Variants in AHDC1 observed in about 807,000 individuals in gnomAD.
AHDC1 encodes the protein transcription factor Gibbin.
A neutral mutation model predicts 87.9 loss-of-function variants in AHDC1; 7 were observed. The observed-to-expected ratio is 0.08, with a 90% CI of 0.05 to 0.15. The LOEUF (loss-of-function observed/expected upper bound fraction) is 0.15. Among genes scored for constraint, AHDC1 ranks in the 10% least tolerant of loss-of-function variants. The probability of loss-of-function intolerance (pLI) is 1.00; values close to 1 mark genes in which losing one functional copy is unlikely to be tolerated. For synonymous variants in AHDC1, 1,051 were observed against 1,006.8 expected (o/e 1.04, Z -0.83); for missense variants, 1,841 against 2,253.2 (o/e 0.82, Z 3.70).
At position 27,548,816 on chromosome 1, in the gene AHDC1, C is replaced by T; in HGVS notation, c.3300G>A (p.Arg1100=). Residue 1100 remains arginine, a synonymous_variant, in exon 8 of 9, where the codon CGG becomes CGA. Coordinates refer to ENST00000673934, the MANE Select transcript of AHDC1 (RefSeq NM_001371928.1). ...SSFQPSPENC[R]QFAGASQWPF... Reference sequence around the variant, plus strand: ...GCCACTGAGAAGCCCCCGCAAACTGCCGACAGTTCTCGGGCGAGGGCTGGA... The same window carrying T: ...GCCACTGAGAAGCCCCCGCAAACTGTCGACAGTTCTCGGGCGAGGGCTGGA... The T allele has an allele frequency of 6.2e-7, 1 of 1,612,952 alleles. No homozygotes were observed. The highest frequency in any genetic ancestry group is 8.5e-7 in the Non-Finnish European group (1 of 1,179,870).
At chr1:27,592,580 C>A (rs376817078) in intron 3 of AHDC1, among the ~76,000 whole-genome samples, 17 of 152,008 alleles carry the variant, frequency 1.1e-4, no homozygotes, top group East Asian at 1.9e-4. Context: ...GCCCTCCCCC[C>A]CCCAGGCCCT....
rs1264650583 is a variant in AHDC1, at chr1:27,551,285, G to A, written c.831C>T (p.Asp277=). The A allele has an allele frequency of 6.2e-7, 1 of 1,610,930 alleles. No homozygotes were observed. Among genetic ancestry groups the A allele is most frequent in the Admixed American group, 1.7e-5 (1 of 59,968 alleles). The stretch of plus-strand genomic sequence containing the variant: ...GCGGGTCCAGGAAGCGGGGCTGGGG[G>A]TCCAGGAGCTGAGGCTCCGGCTCGG... ...PSPEPEPQLL[D]PQPRFLDPQA... The change falls in exon 8 of 9, where the codon GAC becomes GAT. Residue 277 remains aspartate, a synonymous_variant. Coordinates refer to ENST00000673934, the MANE Select transcript of AHDC1 (RefSeq NM_001371928.1).
intron 3 of AHDC1, among the ~76,000 whole-genome samples, chr1:27,601,000 GC>G (rs1231575456): frequency 1.3e-5 from 2 of 151,924 alleles, no homozygotes; most frequent in Non-Finnish European, 2.9e-5. Flanking sequence ...GGTGGTAGGG[GC>G]TCCCTGCCCC....
At chr1:27,552,226 C>T (rs2019611923) in intron 7 of AHDC1, 37 bp from the exon 8 acceptor site, 2 of 1,398,514 alleles carry the variant, frequency 1.4e-6, no homozygotes, top group Admixed American at 3.0e-5. Context: ...CCTTACTGAA[C>T]ACCTACATCC....
intron 8 of AHDC1, among the ~76,000 whole-genome samples, chr1:27,540,208 G>A (rs941045870): frequency 6.6e-6 from 1 of 152,110 alleles, no homozygotes; most frequent in African/African-American, 2.4e-5. Context: ...TGGATGGATT[G>A]TGCTTGGAGA....
At chr1:27,574,169 A>G (rs866437986) in intron 3 of AHDC1, among the ~76,000 whole-genome samples, 3 of 152,214 alleles carry the variant, frequency 2.0e-5, no homozygotes, top group African/African-American at 7.2e-5. Flanking sequence ...TGCCTGGACC[A>G]TCCCCTGGGG....
chr1:27,552,147 G>A lies in AHDC1; in HGVS notation c.-32C>T. The A allele has an allele frequency of 3.5e-6, 5 of 1,437,636 alleles. No homozygotes were observed. The highest frequency in any genetic ancestry group is 4.6e-6 in the Non-Finnish European group (5 of 1,097,190). The allele number at this position is 1,437,636 out of a possible 1,614,324, so 89.1% of individuals were successfully genotyped here. A position where few individuals can be genotyped will look rare whatever the true frequency, so the allele number is the denominator to read the frequency against. ...CTTGTCCTCCGCAGGCCGCCGGGCG[G>A]GGCCGGGGCTGACATGAGGGTGCGA... On this transcript the variant is annotated 5_prime_UTR_variant, in exon 8 of 9. Transcript: ENST00000673934.
intron 5 of AHDC1, among the ~76,000 whole-genome samples, chr1:27,555,180 C>G (rs1375003659): frequency 6.6e-6 from 1 of 152,216 alleles, no homozygotes; most frequent in African/African-American, 2.4e-5. Context: ...GTGTAACATT[C>G]CAGATACCCA....
intron 3 of AHDC1, among the ~76,000 whole-genome samples, chr1:27,570,428 A>G (rs1209919944): frequency 6.6e-6 from 1 of 151,922 alleles, no homozygotes; most frequent in Admixed American, 6.6e-5. Context: ...TACTGAGGCC[A>G]TGAGGAGTCA....
Position 27,593,278 on chromosome 1 carries a change from C to T in AHDC1, c.-629+10119G>A, listed in dbSNP as rs934334225. On this transcript the variant is annotated intron_variant, in intron 3 of 8. Coordinates refer to ENST00000673934, the MANE Select transcript of AHDC1 (RefSeq NM_001371928.1). The surrounding 1 kb of genome is among the most constrained non-coding windows in gnomAD (Gnocchi z 4.9). The stretch of plus-strand genomic sequence containing the variant: ...GATAGGATTACTTCTGCATGACTGC[C>T]CGCTCCACAGGGTTCCAGAGACCCT... Among the ~76,000 whole-genome samples the T allele has an allele frequency of 9.2e-5, 14 of 152,086 alleles. No individual in the cohort carries two copies. The highest frequency in any genetic ancestry group is 3.1e-4 in the African/African-American group (13 of 41,396).
intron 3 of AHDC1, among the ~76,000 whole-genome samples, chr1:27,597,711 C>T (rs1386297933): frequency 6.6e-6 from 1 of 152,044 alleles, no homozygotes; most frequent in East Asian, 1.9e-4. Flanking sequence ...GAGAAAACAC[C>T]TTCCAGATTC....
At chr1:27,594,660 G>T (rs1315387760) in intron 3 of AHDC1, among the ~76,000 whole-genome samples, 1 of 152,162 alleles carries the variant, frequency 6.6e-6, no homozygotes, top group Non-Finnish European at 1.5e-5. Flanking sequence ...GGAGGCTCTG[G>T]GAAGAGCGGG....
At chr1:27,543,191 G>C (rs1160176373) in intron 8 of AHDC1, among the ~76,000 whole-genome samples, 1 of 152,240 alleles carries the variant, frequency 6.6e-6, no homozygotes, top group Non-Finnish European at 1.5e-5. Context: ...AGGCCTGAGA[G>C]GGAGTAGGGA....
At chr1:27,578,544 G>T (rs1231676399) in intron 3 of AHDC1, among the ~76,000 whole-genome samples, 2 of 151,400 alleles carry the variant, frequency 1.3e-5, no homozygotes, top group Non-Finnish European at 2.9e-5. Context: ...AGCTGAGATT[G>T]TGCCACTGCA....
chr1:27,602,295 G>A (rs2089551347), intron 3 of AHDC1, among the ~76,000 whole-genome samples: 2 of 151,686 alleles, frequency 1.3e-5, no homozygotes, highest in South Asian at 4.2e-4. Context: ...CTCTGTGCCC[G>A]CTGCCCGCCT....
Position 27,547,862 on chromosome 1 carries a change from C to T in AHDC1, c.4254G>A (p.Lys1418=), listed in dbSNP as rs547570973. 209 of 1,548,982 alleles carry T rather than the reference C, an allele frequency of 1.3e-4. 1 individual carries two copies. The highest frequency in any genetic ancestry group is 1.0e-3 in the South Asian group (84 of 81,620). ...FKEELRPPPT[K]LAACEPLKHG... ...GCTTGAGGGGCTCGCAGGCAGCCAG[C>T]TTTGTGGGCGGTGGCCGCAGCTCTT... The change falls in exon 8 of 9, where the codon AAG becomes AAA. Residue 1418 remains lysine, a synonymous_variant. Coordinates refer to ENST00000673934, the MANE Select transcript of AHDC1 (RefSeq NM_001371928.1). The surrounding 1 kb of genome is among the most constrained non-coding windows in gnomAD (Gnocchi z 4.9).
At chr1:27,535,975 G>A (rs767626175) in intron 8 of AHDC1, among the ~76,000 whole-genome samples, 1 of 151,950 alleles carries the variant, frequency 6.6e-6, no homozygotes, top group Admixed American at 6.6e-5. Flanking sequence ...TCAGACTTCT[G>A]TCCTCCTCTC....
intron 3 of AHDC1, among the ~76,000 whole-genome samples, chr1:27,586,986 C>A (rs1384247916): frequency 1.3e-5 from 2 of 152,156 alleles, no homozygotes; most frequent in Non-Finnish European, 2.9e-5. Context: ...ATTTGGAGTG[C>A]CCCAAAATCC....
Position 27,548,043 on chromosome 1 carries a change from G to A in AHDC1, c.4073C>T (p.Thr1358Ile), listed in dbSNP as rs886044186. ...GTCGCAGTGGAAGCCTTGGCCAAAG[G>A]TGCCATCGGAAGGCGTGGACGGGTT... ...SMNPSTPSDG[T>I]FGQGFHCDSP... Residue 1358 changes from threonine to isoleucine, a missense_variant, in exon 8 of 9, where the codon ACC becomes ATC. Physicochemically the swap from Thr to Ile is moderately conservative, Grantham distance 89 (BLOSUM62 -1). This residue lies in a region of AHDC1 where 505 missense variants were observed against 626.2 expected (regional missense o/e 0.81). Transcript: ENST00000673934. The A allele has an allele frequency of 6.2e-7, 1 of 1,612,710 alleles. No individual in the cohort carries two copies. The highest frequency in any genetic ancestry group is 2.2e-5 in the East Asian group (1 of 44,838).
Sources: allele counts gnomAD v4.1 joint callset (sites outside exome capture counted in the v4.1 genomes callset), GRCh38; gene constraint gnomAD v4.1.1; regional missense constraint gnomAD v4.1.1; non-coding constraint Gnocchi (gnomAD v3.1); transcripts MANE v1.5; gene names NCBI Gene and HGNC (gene_info 2026-07-23, HGNC 2026-07-21).